The following PHKA1 variants were observed in gnomAD, a reference collection of about 807,000 sequenced individuals.
The protein encoded by PHKA1 is phosphorylase b kinase regulatory subunit alpha, skeletal muscle isoform.
Under a neutral mutation model 110.2 loss-of-function variants are expected in PHKA1, and 60 were observed. The observed-to-expected ratio is 0.54, with a 90% CI of 0.44 to 0.68. PHKA1 has a LOEUF of 0.68. PHKA1 is among the 30% of genes least tolerant of loss of function. PHKA1 has a pLI of 0.00. For synonymous variants in PHKA1, 316 were observed against 333.6 expected, an observed-to-expected ratio of 0.95 and a Z score of 0.58; for missense variants, 801 against 942.5, an observed-to-expected ratio of 0.85 and a Z score of 1.97.
intron 14 of PHKA1, among the ~76,000 whole-genome samples, chrX:72,639,665 T>C (rs1287086978): frequency 1.8e-5 from 2 of 112,328 alleles, no homozygotes; most frequent in South Asian, 7.4e-4. Flanking sequence ...CCAGGAGTGC[T>C]GAGAGTGTCC....
intron 28 of PHKA1, among the ~76,000 whole-genome samples, chrX:72,600,103 T>A (rs1556240640): frequency 9.1e-6 from 1 of 109,407 alleles, no homozygotes; most frequent in Non-Finnish European, 1.9e-5. Context: ...CATTCTTGAG[T>A]GATAGGGAAA....
chrX:72,621,563 G>C lies in PHKA1; in HGVS notation c.1961-662C>G, dbSNP rs782354979. ...CAGACTTTACATGAATATTCACAAG[G>C]TTTATAGTTAGAAAAACACACTATT... On this transcript the variant is annotated intron_variant, in intron 18 of 31. Transcript: ENST00000373542. Among the ~76,000 whole-genome samples the C allele has an allele frequency of 1.0e-3, 116 of 111,588 alleles. 1 individual carries two copies. The highest frequency in any genetic ancestry group is 1.8e-3 in the Non-Finnish European group (97 of 53,142).
chrX:72,682,263 A>C (rs1290797531), intron 5 of PHKA1, among the ~76,000 whole-genome samples: 4 of 88,567 alleles, frequency 4.5e-5, no homozygotes, highest in Non-Finnish European at 9.0e-5. Flanking sequence ...CCGCCCGGCC[A>C]GCCGCCCCGT....
intron 16 of PHKA1, among the ~76,000 whole-genome samples, chrX:72,632,077 A>G (rs1172636776): frequency 8.9e-6 from 1 of 111,881 alleles, no homozygotes; most frequent in Non-Finnish European, 1.9e-5. Context: ...TATGTCACGT[A>G]TCTGGCAATA....
At chrX:72,610,680 T>C (rs1439560357) in intron 22 of PHKA1, among the ~76,000 whole-genome samples, 1 of 111,616 alleles carries the variant, frequency 9.0e-6, no homozygotes, top group Non-Finnish European at 1.9e-5. Context: ...TACTTTTAGT[T>C]TTTTGATGAA....
intron 22 of PHKA1, 98 bp from the exon 23 acceptor site, chrX:72,609,801 T>A (rs1239346843): frequency 1.0e-5 from 6 of 592,701 alleles, no homozygotes; most frequent in African/African-American, 2.2e-5. Flanking sequence ...CTCTTTAACA[T>A]AATGACACAC....
In PHKA1 at chrX:72,609,692, G is replaced by A; in HGVS notation, c.2538C>T (p.Asp846=). 8.4e-7 allele frequency: 1 copy of A among 1,190,258 alleles called. No individual in the cohort carries two copies. The highest frequency in any genetic ancestry group is 1.1e-6 in the Non-Finnish European group (1 of 876,114). The change falls in exon 23 of 32, where the codon GAC becomes GAT. Residue 846 remains aspartate, a synonymous_variant. Coordinates refer to ENST00000373542, the MANE Select transcript of PHKA1 (RefSeq NM_002637.4). ...TCAAATGTTTCTGGTGGGAGAGAAGGTCTGTGCAGGCCTAACAAGAGATAG... is the reference window on the plus strand; with the variant it reads ...TCAAATGTTTCTGGTGGGAGAGAAGATCTGTGCAGGCCTAACAAGAGATAG... ...KVEALDEACT[D]LLSHQKHLTV...
At chrX:72,712,436 C>T (rs1053211630) in intron 2 of PHKA1, 6 of 247,503 alleles carry the variant, frequency 2.4e-5, no homozygotes, top group African/African-American at 1.7e-4. Context: ...TGCTCCCAAA[C>T]ATTTTCTCAA....
rs200731368 is a variant in PHKA1, at chrX:72,640,900, AC to A, written c.1459+3461del. Among the ~76,000 whole-genome samples, 782 of 111,706 alleles carry A rather than the reference AC, an allele frequency of 7.0e-3. 12 individuals carry two copies. The highest frequency in any genetic ancestry group is 0.024 in the African/African-American group (738 of 30,845). ...ATAATTATCTAAAAGAAAGTAACAG[AC>A]TAGGAAATATATATAAGTCTCACTG... On this transcript the variant is annotated intron_variant, in intron 14 of 31. Transcript: ENST00000373542.
At chrX:72,609,336 G>C (rs1336694367) in intron 23 of PHKA1, among the ~76,000 whole-genome samples, 3 of 112,275 alleles carry the variant, frequency 2.7e-5, no homozygotes, top group Non-Finnish European at 5.6e-5. Flanking sequence ...GCTCTTTCCA[G>C]AGTATGGCTG....
chrX:72,602,189 C>A lies in PHKA1; in HGVS notation c.3002G>T (p.Gly1001Val). 8.3e-7 allele frequency: 1 copy of A among 1,202,239 alleles called. No individual in the cohort carries two copies. The highest frequency in any genetic ancestry group is 1.1e-6 in the Non-Finnish European group (1 of 887,430). ...AVGATKTERT[G>V]IMQLKSEIKQ... is the part of the protein sequence containing the mutation. ...TATCTCACTTTTTAACTGCATGATC[C>A]CAGTTCGTTCTGTTTTGGTTGCTCC... Residue 1001 changes from glycine to valine, a missense_variant, in exon 27 of 32, where the codon GGG becomes GTG. By Grantham distance (109) the Gly-to-Val change is moderately radical. Around this residue, in one of 2 missense-constraint regions of PHKA1, gnomAD observed 502 missense variants for 519.2 expected, o/e 0.97. Coordinates refer to ENST00000373542, the MANE Select transcript of PHKA1 (RefSeq NM_002637.4).
At chrX:72,652,712 T>C in intron 11 of PHKA1, 61 bp from the exon 12 acceptor site, 1 of 692,736 alleles carries the variant, frequency 1.4e-6, no homozygotes, top group Non-Finnish European at 2.3e-6. Context: ...TACTGGATAA[T>C]AAAAAGGTGG....
chrX:72,655,360 C>T (rs2147764732), intron 10 of PHKA1, among the ~76,000 whole-genome samples: 1 of 111,752 alleles, frequency 8.9e-6, no homozygotes, highest in African/African-American at 3.2e-5. Context: ...CTGCAGTGAG[C>T]CATGATCACG....
rs11373841 is a variant in PHKA1, at chrX:72,593,341, C to CTT, written c.3073-69_3073-68dup. On this transcript the variant is annotated intron_variant, in intron 28 of 31. Transcript: ENST00000373542. ...CTGTTTCTATGATGAAGTCTTTGAA[C>CTT]TTTTTTTTTTTTTGAGATGGAGTCT... 34,359 of 562,364 alleles carry CTT rather than the reference C, an allele frequency of 0.061. No individual in the cohort carries two copies. Among genetic ancestry groups the CTT allele is most frequent in the East Asian group, 0.071 (1,421 of 19,934 alleles). The allele number at this position is 562,364 out of a possible 1,213,427, so 46.3% of individuals were successfully genotyped here. A position where few individuals can be genotyped will look rare whatever the true frequency, so the allele number is the denominator to read the frequency against.
rs369285976 is a variant in PHKA1, at chrX:72,582,631, G to A, written c.3298-33C>T. On this transcript the variant is annotated intron_variant, in intron 30 of 31. Coordinates refer to ENST00000373542, the MANE Select transcript of PHKA1 (RefSeq NM_002637.4). ...AGAGAAAAAGAAAATCACTTCCTAA[G>A]AGTCCATCATCCAAGAAACATCAAT... 70 of 948,153 alleles carry A rather than the reference G, an allele frequency of 7.4e-5. No individual in the cohort carries two copies. In the African/African-American group the frequency reaches 1.3e-3, roughly 17 times the overall value. The allele number at this position is 948,153 out of a possible 1,213,427, so 78.1% of individuals were successfully genotyped here.
intron 21 of PHKA1, among the ~76,000 whole-genome samples, chrX:72,618,433 T>C (rs1433814175): frequency 3.6e-5 from 4 of 111,933 alleles, no homozygotes; most frequent in African/African-American, 1.3e-4. Context: ...CTAATGACAG[T>C]AATATTTATC....
Position 72,602,262 on chromosome X carries a change from C to T in PHKA1, c.2929G>A (p.Asp977Asn), listed in dbSNP as rs782667718. ...GAAATAGCAGGACTGACATTTGAAT[C>T]AGTGGGACGAACTATGTAGTATGAG... The part of the protein sequence containing the change: ...FGVERSVRPT[D>N]SNVSPAISIH... The change falls in exon 27 of 32, where the codon GAT (aspartate) becomes AAT (asparagine). Residue 977 changes from aspartate (D) to asparagine (N), a missense_variant. Coordinates refer to ENST00000373542, the MANE Select transcript of PHKA1 (RefSeq NM_002637.4). 3 of 1,155,791 alleles carry T rather than the reference C, an allele frequency of 2.6e-6. No homozygotes were observed. The highest frequency in any genetic ancestry group is 4.4e-5 in the Admixed American group (2 of 45,813).
chrX:72,695,276 G>T (rs1556326496), intron 4 of PHKA1, among the ~76,000 whole-genome samples: 1 of 111,817 alleles, frequency 8.9e-6, no homozygotes, highest in East Asian at 2.8e-4. Context: ...AGGAAATTAA[G>T]TTGTTTCTTA....
intron 6 of PHKA1, among the ~76,000 whole-genome samples, chrX:72,668,465 A>G (rs1403747225): frequency 8.9e-6 from 1 of 112,389 alleles, no homozygotes; most frequent in African/African-American, 3.2e-5. Context: ...GTATTATCTT[A>G]AACATTTTTT....
Sources: gnomAD v4.1 joint callset for allele counts (sites outside exome capture counted in the v4.1 genomes callset) on GRCh38, gnomAD v4.1.1 for gene constraint, gnomAD v4.1.1 regional missense constraint, MANE v1.5 for transcripts, NCBI Gene and HGNC (gene_info 2026-07-23, HGNC 2026-07-21) for gene names.